Variants in PCDHGB2 observed in about 807,000 individuals in gnomAD.
PCDHGB2 encodes the protein protocadherin gamma subfamily B, 2, also known as protocadherin gamma-B2.
A neutral mutation model predicts 59.3 loss-of-function variants in PCDHGB2; 55 were observed. The observed-to-expected ratio is 0.93, with a 90% CI of 0.75 to 1.16. The LOEUF (loss-of-function observed/expected upper bound fraction) is 1.16, where lower values mean the gene tolerates loss of function less well. PCDHGB2 is among the 50% of genes most tolerant of loss of function. PCDHGB2 has a pLI of 0.00. For synonymous variants in PCDHGB2, 516 were observed against 512.0 expected (o/e 1.01, Z -0.11); for missense variants, 1,228 against 1,198.5 (o/e 1.02, Z -0.36).
At position 141,370,693 on chromosome 5, in the gene PCDHGB2, C is replaced by G. The variant is rs762773164; in HGVS notation, c.2421+8137C>G. On this transcript the variant is annotated intron_variant, in intron 1 of 3. Coordinates refer to ENST00000522605, the MANE Select transcript of PCDHGB2 (RefSeq NM_018923.3). ...CGAGAGGAGATTTGTGGCAAGAAGT[C>G]GACGTGTGTTCTGGAATTTGAAATG... 28 of 1,613,754 alleles carry G rather than the reference C, an allele frequency of 1.7e-5. No individual in the cohort carries two copies. In the East Asian group the frequency reaches 3.8e-4, roughly 22 times the overall value.
At chr5:141,470,795 C>T (rs947636574) in intron 1 of PCDHGB2, among the ~76,000 whole-genome samples, 2 of 152,182 alleles carry the variant, frequency 1.3e-5, no homozygotes, top group Non-Finnish European at 2.9e-5. Context: ...TCAAGCAATC[C>T]TCCCACTTCA....
intron 1 of PCDHGB2, chr5:141,428,087 G>A (rs2097108117): frequency 6.2e-7 from 1 of 1,609,106 alleles, no homozygotes; most frequent in Non-Finnish European, 8.5e-7. Context: ...ACAACGCTTG[G>A]CTGTCCTACC....
intron 1 of PCDHGB2, chr5:141,372,555 C>T: frequency 6.2e-7 from 1 of 1,614,046 alleles, no homozygotes; most frequent in Non-Finnish European, 8.5e-7. Context: ...CTCCTCCAGA[C>T]CCGCCACTGA....
intron 1 of PCDHGB2, chr5:141,398,647 C>T: frequency 6.2e-7 from 1 of 1,614,070 alleles, no homozygotes; most frequent in Non-Finnish European, 8.5e-7. Context: ...TAAACTCTCT[C>T]TTAACCCAAG....
At chr5:141,443,169 T>C (rs946262743) in intron 1 of PCDHGB2, among the ~76,000 whole-genome samples, 2 of 152,170 alleles carry the variant, frequency 1.3e-5, no homozygotes, top group Non-Finnish European at 2.9e-5. Flanking sequence ...TCCCTACCCA[T>C]GTCCACTGCA....
chr5:141,458,394 T>A (rs2098944697), intron 1 of PCDHGB2, among the ~76,000 whole-genome samples: 1 of 152,062 alleles, frequency 6.6e-6, no homozygotes, highest in African/African-American at 2.4e-5. Context: ...ACGCTCCCCC[T>A]TGCAGAGACG....
chr5:141,496,737 C>T (rs900394639), intron 2 of PCDHGB2, among the ~76,000 whole-genome samples: 9 of 152,168 alleles, frequency 5.9e-5, no homozygotes, highest in African/African-American at 2.2e-4. Context: ...TTCATTCGTT[C>T]ATTTATTCAA....
chr5:141,410,345 C>T, intron 1 of PCDHGB2: 1 of 1,614,040 alleles, frequency 6.2e-7, no homozygotes, highest in Non-Finnish European at 8.5e-7. Flanking sequence ...TGCCTTGCGC[C>T]TGCGACGCTC....
At chr5:141,399,363 G>A (rs773376480) in intron 1 of PCDHGB2, 5 of 1,613,910 alleles carry the variant, frequency 3.1e-6, no homozygotes, top group Non-Finnish European at 3.4e-6. Flanking sequence ...AGCAAACCCC[G>A]GAGTACAATG....
rs1768955352 is a variant in PCDHGB2, at chr5:141,372,667, C to T, written c.2421+10111C>T. 1.9e-6 allele frequency: 3 copies of T among 1,613,922 alleles called. No homozygotes were observed. In the African/African-American group the frequency reaches 4.0e-5, roughly 22 times the overall value. On this transcript the variant is annotated intron_variant, in intron 1 of 3. Transcript: ENST00000522605. Reference sequence around the variant, plus strand: ...TATTCCTACAATCCGTGTGCTGCCTCACATTCCTCAAACACCGAGTTTAAA... The same window carrying T: ...TATTCCTACAATCCGTGTGCTGCCTTACATTCCTCAAACACCGAGTTTAAA...
At chr5:141,470,034 C>T (rs1209263598) in intron 1 of PCDHGB2, among the ~76,000 whole-genome samples, 2 of 152,086 alleles carry the variant, frequency 1.3e-5, no homozygotes, top group Non-Finnish European at 2.9e-5. Flanking sequence ...GATGCTGAGG[C>T]GCGAGAACTG....
chr5:141,361,897 G>C lies in PCDHGB2; in HGVS notation c.1762G>C (p.Val588Leu), dbSNP rs1762228885. The C allele has an allele frequency of 6.2e-7, 1 of 1,609,754 alleles. No individual in the cohort carries two copies. Among genetic ancestry groups the C allele is most frequent in the Non-Finnish European group, 8.5e-7 (1 of 1,179,300 alleles). ...ACGCGCCGCAGAGCCCGGCTACCTG[G>C]TGACCAAGGTGGTGGCGGTGGACGC... The part of the protein sequence containing the change: ...VPRAAEPGYL[V>L]TKVVAVDADS... The change falls in exon 1 of 4, where the codon GTG (valine) becomes CTG (leucine). Residue 588 changes from valine (V) to leucine (L), a missense_variant. Val to Leu is a conservative substitution (Grantham distance 32). Coordinates refer to ENST00000522605, the MANE Select transcript of PCDHGB2 (RefSeq NM_018923.3).
rs754447823 is a variant in PCDHGB2, at chr5:141,361,309, T to A, written c.1174T>A (p.Phe392Ile). 2.5e-6 allele frequency: 4 copies of A among 1,613,964 alleles called. No homozygotes were observed. Among genetic ancestry groups the A allele is most frequent in the South Asian group, 2.2e-5 (2 of 91,082 alleles). The part of the protein sequence containing the change: ...VYCQVLGNAK[F>I]ILKSSSKNYY... ...CTGCCAAGTGTTGGGAAATGCCAAG[T>A]TTATTTTGAAATCTTCCTCAAAGAA... is the stretch of plus-strand genomic sequence containing the variant. Residue 392 changes from phenylalanine (F) to isoleucine (I), a missense_variant, in exon 1 of 4, where the codon TTT (phenylalanine) becomes ATT (isoleucine). Phe to Ile is a conservative substitution (Grantham distance 21). Coordinates refer to ENST00000522605, the MANE Select transcript of PCDHGB2 (RefSeq NM_018923.3).
intron 1 of PCDHGB2, chr5:141,394,832 C>G: frequency 1.9e-6 from 3 of 1,613,828 alleles, no homozygotes; most frequent in Non-Finnish European, 2.5e-6. Context: ...AAGTCCTGAC[C>G]GAGTTGGGCA....
intron 1 of PCDHGB2, chr5:141,400,466 C>T: frequency 6.2e-7 from 1 of 1,614,024 alleles, no homozygotes; most frequent in Non-Finnish European, 8.5e-7. Context: ...TGTGGTGATT[C>T]ATCTGGGGCC....
chr5:141,508,961 A>G (rs991011427), intron 3 of PCDHGB2, among the ~76,000 whole-genome samples: 2 of 151,978 alleles, frequency 1.3e-5, no homozygotes, highest in Non-Finnish European at 2.9e-5. Flanking sequence ...TGTCAGCGGA[A>G]TGAAAGGGCT....
intron 1 of PCDHGB2, chr5:141,382,967 C>T (rs779802932): frequency 6.2e-7 from 1 of 1,609,176 alleles, no homozygotes; most frequent in Non-Finnish European, 8.5e-7. Context: ...CTGGGGACCC[C>T]CTGGGAAGCC....
intron 2 of PCDHGB2, among the ~76,000 whole-genome samples, chr5:141,503,611 A>AG (rs992110793): frequency 6.6e-6 from 1 of 151,948 alleles, no homozygotes; most frequent in Non-Finnish European, 1.5e-5. Flanking sequence ...AAAAAAAAAA[A>AG]AAAGAAAAAA....
chr5:141,441,825 C>A, intron 1 of PCDHGB2: 1 of 357,252 alleles, frequency 2.8e-6, no homozygotes, highest in Non-Finnish European at 5.5e-6. Flanking sequence ...CTCTGGAGCG[C>A]AATGGCTTCG....
Sources: gnomAD v4.1 joint callset for allele counts (sites outside exome capture counted in the v4.1 genomes callset) on GRCh38, gnomAD v4.1.1 for gene constraint, MANE v1.5 for transcripts, NCBI Gene and HGNC (gene_info 2026-07-23, HGNC 2026-07-21) for gene names.